Variants in ADCY9 observed in about 807,000 individuals in gnomAD.
ADCY9 encodes adenylate cyclase type 9.
Under a neutral mutation model 101.5 loss-of-function variants are expected in ADCY9, and 50 were observed. That is an observed-to-expected ratio of 0.49 (90% confidence interval 0.39 to 0.62). The LOEUF (loss-of-function observed/expected upper bound fraction) is 0.62. ADCY9 is among the 20% of genes least tolerant of loss of function. The pLI is 0.00. For missense variants in ADCY9, 1,662 were observed against 1,800.4 expected, an observed-to-expected ratio of 0.92 and a Z score of 1.39; for synonymous variants, 905 against 769.3, an observed-to-expected ratio of 1.18 and a Z score of -2.92.
At chr16:3,960,137 G>T (rs1443569484), downstream of ADCY9, among the ~76,000 whole-genome samples, 1 of 152,212 alleles carries the variant, frequency 6.6e-6, no homozygotes, top group Admixed American at 6.5e-5. Context: ...CATCTGCAGA[G>T]AGTTGGAATG....
chr16:4,032,355 C>T (rs1234494133), intron 2 of ADCY9, among the ~76,000 whole-genome samples: 1 of 151,868 alleles, frequency 6.6e-6, no homozygotes, highest in Non-Finnish European at 1.5e-5. Flanking sequence ...CCAGGAATGG[C>T]AAGATCTGGC....
At chr16:4,089,660 T>C (rs2056961110) in intron 2 of ADCY9, among the ~76,000 whole-genome samples, 1 of 152,030 alleles carries the variant, frequency 6.6e-6, no homozygotes, top group African/African-American at 2.4e-5. Context: ...GACTGTCTTC[T>C]GCAGCAAGTG....
intron 9 of ADCY9, among the ~76,000 whole-genome samples, chr16:3,976,606 G>C (rs1231096406): frequency 6.6e-6 from 1 of 152,138 alleles, no homozygotes; most frequent in South Asian, 2.1e-4. Context: ...TCAGTGACTG[G>C]TCATTAATCC....
chr16:4,057,321 C>G (rs2056746630), intron 2 of ADCY9, among the ~76,000 whole-genome samples: 1 of 152,010 alleles, frequency 6.6e-6, no homozygotes, highest in Admixed American at 6.6e-5. Context: ...AGATATAATT[C>G]ACATACCGTA....
chr16:4,073,377 G>A (rs1049251226), intron 2 of ADCY9, among the ~76,000 whole-genome samples: 3 of 150,442 alleles, frequency 2.0e-5, no homozygotes, highest in Admixed American at 6.7e-5. Context: ...ATGAGTCACC[G>A]CACCCAGCCC....
chr16:4,022,440 G>A (rs901778505), intron 2 of ADCY9, among the ~76,000 whole-genome samples: 8 of 130,324 alleles, frequency 6.1e-5, no homozygotes, highest in African/African-American at 1.2e-4. Flanking sequence ...GCAGTGAGCC[G>A]AGATTGCACC....
chr16:4,059,378 C>A (rs545984969), intron 2 of ADCY9, among the ~76,000 whole-genome samples: 2 of 34,644 alleles, frequency 5.8e-5, no homozygotes, highest in Non-Finnish European at 5.8e-5. Flanking sequence ...GAGAATCCAT[C>A]GAAAAAAAAA....
At chr16:4,010,663 C>T (rs191609947) in intron 2 of ADCY9, among the ~76,000 whole-genome samples, 91 of 152,226 alleles carry the variant, frequency 6.0e-4, no homozygotes, top group Non-Finnish European at 1.2e-3. Flanking sequence ...TATGGTCAGG[C>T]GTGCCAAGTC....
intron 10 of ADCY9, among the ~76,000 whole-genome samples, chr16:3,969,601 TATATATATGTA>T (rs1214743259): frequency 8.4e-4 from 82 of 97,410 alleles, no homozygotes; most frequent in African/African-American, 3.7e-3. Flanking sequence ...TATATATATA[TATATATATGTA>T]TTTTTTTTTT....
intron 2 of ADCY9, among the ~76,000 whole-genome samples, chr16:4,063,818 A>G (rs2056786049): frequency 6.6e-6 from 1 of 152,188 alleles, no homozygotes; most frequent in Non-Finnish European, 1.5e-5. Flanking sequence ...ATACTAGACC[A>G]GAAATCAATG....
At chr16:3,967,326 TTTTTC>T (rs1235261960) in intron 10 of ADCY9, among the ~76,000 whole-genome samples, 1 of 150,194 alleles carries the variant, frequency 6.7e-6, no homozygotes, top group East Asian at 2.0e-4. Flanking sequence ...TTGGTAATCG[TTTTTC>T]TTTTCTTTTT....
At chr16:3,989,404 C>G (rs1039068681) in intron 5 of ADCY9, among the ~76,000 whole-genome samples, 11 of 151,604 alleles carry the variant, frequency 7.3e-5, no homozygotes, top group Non-Finnish European at 1.6e-4. Flanking sequence ...GAGGCAAGGT[C>G]TCACTCTGTC....
intron 2 of ADCY9, among the ~76,000 whole-genome samples, chr16:4,112,759 C>T (rs2256156): frequency 0.28 from 42,644 of 151,858 alleles, 6,381 homozygotes; most frequent in Non-Finnish European, 0.34. Flanking sequence ...ACTTCCACAA[C>T]AGATGTTCCC....
intron 2 of ADCY9, among the ~76,000 whole-genome samples, chr16:4,055,311 T>C (rs967965169): frequency 1.3e-5 from 2 of 151,908 alleles, no homozygotes; most frequent in Non-Finnish European, 2.9e-5. Context: ...GGCGAGCAGA[T>C]CACTTGAGGT....
Position 4,007,705 on chromosome 16 carries a change from C to A in ADCY9, c.1694-147G>T, listed in dbSNP as rs889990809. ...ATAGGTCATAGTTTACGACGGACGT[C>A]CACGATCTCTCCAGAGAGATGCGGC... On this transcript the variant is annotated intron_variant, in intron 2 of 10. Transcript: ENST00000294016. 5 of 633,864 alleles carry A rather than the reference C, an allele frequency of 7.9e-6. No individual in the cohort carries two copies. In the African/African-American group the frequency reaches 9.2e-5, roughly 12 times the overall value. 39.3% of individuals were successfully genotyped at this position (633,864 alleles called of 1,614,324 possible).
At chr16:4,030,803 T>G (rs2056550383) in intron 2 of ADCY9, among the ~76,000 whole-genome samples, 1 of 152,020 alleles carries the variant, frequency 6.6e-6, no homozygotes, top group African/African-American at 2.4e-5. Flanking sequence ...ATGGTTACCT[T>G]TAGAAGGAGG....
At chr16:4,038,435 C>A (rs1174979654) in intron 2 of ADCY9, among the ~76,000 whole-genome samples, 5 of 152,146 alleles carry the variant, frequency 3.3e-5, no homozygotes, top group Non-Finnish European at 7.3e-5. Flanking sequence ...AGCCTTTGCT[C>A]TTCTGTCATG....
At chr16:4,101,590 T>C (rs1289358764) in intron 2 of ADCY9, among the ~76,000 whole-genome samples, 1 of 152,176 alleles carries the variant, frequency 6.6e-6, no homozygotes, top group Non-Finnish European at 1.5e-5. Flanking sequence ...TACAGATTAT[T>C]TGATCACTGT....
chr16:3,971,965 T>G (rs1251700318), intron 10 of ADCY9, among the ~76,000 whole-genome samples: 1 of 152,188 alleles, frequency 6.6e-6, no homozygotes, highest in Admixed American at 6.5e-5. Flanking sequence ...GCACATGGGC[T>G]AGTGCCAGAG....
Sources: gnomAD v4.1 joint callset for allele counts (sites outside exome capture counted in the v4.1 genomes callset) on GRCh38, gnomAD v4.1.1 for gene constraint, MANE v1.5 for transcripts, NCBI Gene and HGNC (gene_info 2026-07-23, HGNC 2026-07-21) for gene names.